The following ARHGAP20 variants were observed in gnomAD, a reference collection of about 807,000 sequenced individuals.
ARHGAP20 encodes the protein Rho GTPase activating protein 20, also known as rho GTPase-activating protein 20.
A neutral mutation model predicts 73.7 loss-of-function variants in ARHGAP20; 34 were observed. The observed-to-expected ratio is 0.46, with a 90% CI of 0.35 to 0.61. The LOEUF is 0.61. Among genes scored for constraint, ARHGAP20 ranks in the 20% least tolerant of loss-of-function variants. The probability of loss-of-function intolerance (pLI) is 0.00; values close to 1 mark genes in which losing one functional copy is unlikely to be tolerated. For synonymous variants in ARHGAP20, 523 were observed against 518.2 expected (o/e 1.01, Z -0.13); for missense variants, 1,314 against 1,420.9 (o/e 0.92, Z 1.21).
In ARHGAP20 at chr11:110,580,983, G is replaced by A. The variant is rs776211694; in HGVS notation, c.1963C>T (p.Leu655Phe). The change falls in exon 15 of 15, where the codon CTT (leucine) becomes TTT (phenylalanine). Residue 655 changes from leucine to phenylalanine, a missense_variant. Coordinates refer to ENST00000683387, the MANE Select transcript of ARHGAP20 (RefSeq NM_001384657.1). ...AAAATGTTCACCGGCTTGGATTCAA[G>A]AGGCCGTTTCATTTGAACATCTTCA... The part of the protein sequence containing the change: ...KDEDVQMKRP[L>F]ESKPVNILVY... 1.9e-6 allele frequency: 3 copies of A among 1,614,184 alleles called. No homozygotes were observed. In the South Asian group the frequency reaches 3.3e-5, roughly 18 times the overall value.
chr11:110,630,934 A>C (rs1948847821), intron 2 of ARHGAP20, 142 bp from the exon 3 acceptor site: 8 of 731,514 alleles, frequency 1.1e-5, no homozygotes, highest in Non-Finnish European at 1.7e-5. Context: ...GTAGTCTTTA[A>C]TATTTCATTA....
At chr11:110,697,331 T>A (rs1199827970) in intron 1 of ARHGAP20, among the ~76,000 whole-genome samples, 3 of 151,634 alleles carry the variant, frequency 2.0e-5, no homozygotes, top group African/African-American at 7.2e-5. Flanking sequence ...TTTCTCTGAT[T>A]AGTGATTTTT....
chr11:110,693,624 A>G (rs1359249170), intron 1 of ARHGAP20, among the ~76,000 whole-genome samples: 1 of 151,946 alleles, frequency 6.6e-6, no homozygotes, highest in African/African-American at 2.4e-5. Flanking sequence ...CTTTTGCTTA[A>G]AAGTGTAACC....
chr11:110,712,352 G>A lies in ARHGAP20; in HGVS notation c.-121C>T. The A allele has an allele frequency of 2.6e-6, 2 of 779,430 alleles. No individual in the cohort carries two copies. Among genetic ancestry groups the A allele is most frequent in the Non-Finnish European group, 3.5e-6 (2 of 568,856 alleles). The allele number at this position is 779,430 out of a possible 1,614,324, so 48.3% of individuals were successfully genotyped here. On this transcript the variant is annotated 5_prime_UTR_variant, in exon 1 of 15. Coordinates refer to ENST00000683387, the MANE Select transcript of ARHGAP20 (RefSeq NM_001384657.1). Reference sequence around the variant, plus strand: ...CGCGGCTGCCGTGCTCAGGCAGGGAGCCGAGCTCCGGGTGCTCGCCGCGCG... The same window carrying A: ...CGCGGCTGCCGTGCTCAGGCAGGGAACCGAGCTCCGGGTGCTCGCCGCGCG...
chr11:110,594,147 A>C (rs1947895582), intron 9 of ARHGAP20, among the ~76,000 whole-genome samples: 1 of 152,242 alleles, frequency 6.6e-6, no homozygotes, highest in East Asian at 1.9e-4. Flanking sequence ...TAAAAAGCCA[A>C]GTTGTGGGAG....
intron 3 of ARHGAP20, among the ~76,000 whole-genome samples, chr11:110,627,825 A>G (rs1948777832): frequency 6.6e-6 from 1 of 152,194 alleles, no homozygotes; most frequent in Non-Finnish European, 1.5e-5. Context: ...TGTTTGTAAA[A>G]CAGATCCTGG....
chr11:110,591,128 A>C (rs1282781422), intron 10 of ARHGAP20, among the ~76,000 whole-genome samples: 2 of 152,232 alleles, frequency 1.3e-5, no homozygotes, highest in Admixed American at 1.3e-4. Flanking sequence ...ATTCCTAAAA[A>C]TTGCTCAGAG....
intron 2 of ARHGAP20, among the ~76,000 whole-genome samples, chr11:110,637,318 G>T (rs1948988477): frequency 6.6e-6 from 1 of 151,982 alleles, no homozygotes; most frequent in Admixed American, 6.6e-5. Context: ...ATAGGATCTG[G>T]ATAACCTTAA....
intron 2 of ARHGAP20, among the ~76,000 whole-genome samples, chr11:110,639,507 T>C (rs1224099350): frequency 6.6e-6 from 1 of 151,998 alleles, no homozygotes; most frequent in Non-Finnish European, 1.5e-5. Flanking sequence ...AAAACCATTA[T>C]CACTACTTAG....
Position 110,579,679 on chromosome 11 carries a change from T to C in ARHGAP20, c.3267A>G (p.Glu1089=). 1 of 1,614,210 alleles carries C rather than the reference T, an allele frequency of 6.2e-7. No individual in the cohort carries two copies. Among genetic ancestry groups the C allele is most frequent in the Non-Finnish European group, 8.5e-7 (1 of 1,180,034 alleles). ...GVPEANSLQE[E]QKDLPLRAAE... Reference sequence around the variant, plus strand: ...CTGCCCTTAAGGGCAAGTCTTTTTGTTCCTCTTGCAGTGAGTTGGCTTCTG... The same window carrying C: ...CTGCCCTTAAGGGCAAGTCTTTTTGCTCCTCTTGCAGTGAGTTGGCTTCTG... Residue 1089 remains glutamate, a synonymous_variant, in exon 15 of 15, where the codon GAA becomes GAG. Transcript: ENST00000683387.
chr11:110,640,303 T>C lies in ARHGAP20; in HGVS notation c.189-9511A>G, dbSNP rs572257001. 7.2e-5 allele frequency among the ~76,000 whole-genome samples: 11 copies of C among 152,124 alleles called. No homozygotes were observed. The East Asian group carries it at 2.1e-3, about 29-fold the overall frequency. On this transcript the variant is annotated intron_variant, in intron 2 of 14. Transcript: ENST00000683387. Reference sequence around the variant, plus strand: ...GTACCAATGATCATAGCATAGACACTGTCTAAAGGGTAAGCCCAGATCATT... The same window carrying C: ...GTACCAATGATCATAGCATAGACACCGTCTAAAGGGTAAGCCCAGATCATT...
intron 2 of ARHGAP20, among the ~76,000 whole-genome samples, chr11:110,686,474 A>T (rs1950134212): frequency 6.6e-6 from 1 of 152,142 alleles, no homozygotes; most frequent in Admixed American, 6.5e-5. Flanking sequence ...TTTTTGTTTT[A>T]TACATGTCCA....
intron 9 of ARHGAP20, among the ~76,000 whole-genome samples, chr11:110,597,292 A>G (rs915839572): frequency 6.7e-5 from 9 of 133,484 alleles, no homozygotes. Context: ...TAATAATAAA[A>G]TTAAAAAAAA....
At chr11:110,627,952 T>C (rs957278867) in intron 3 of ARHGAP20, among the ~76,000 whole-genome samples, 7 of 152,236 alleles carry the variant, frequency 4.6e-5, no homozygotes, top group African/African-American at 1.7e-4. Flanking sequence ...TAATTTAGTA[T>C]GGAAAAGAAT....
At chr11:110,620,668 T>C (rs986731771) in intron 4 of ARHGAP20, among the ~76,000 whole-genome samples, 39 of 152,224 alleles carry the variant, frequency 2.6e-4, no homozygotes, top group Non-Finnish European at 8.8e-5. Context: ...CTGCTAGTAA[T>C]AAATTATTAT....
chr11:110,710,037 T>C (rs1385974022), intron 1 of ARHGAP20, among the ~76,000 whole-genome samples: 1 of 152,170 alleles, frequency 6.6e-6, no homozygotes, highest in African/African-American at 2.4e-5. Context: ...ATAGCTTCCC[T>C]GATGGATTGG....
chr11:110,582,362 C>CTGAAGAGGG lies in ARHGAP20; in HGVS notation c.1670_1678dup (p.Phe559_Arg560insThrLeuPhe). The CTGAAGAGGG allele has an allele frequency of 6.2e-7, 1 of 1,613,884 alleles. No individual in the cohort carries two copies. The highest frequency in any genetic ancestry group is 8.5e-7 in the Non-Finnish European group (1 of 1,179,768). On this transcript the variant is annotated inframe_insertion, in exon 14 of 15. Coordinates refer to ENST00000683387, the MANE Select transcript of ARHGAP20 (RefSeq NM_001384657.1). Reference sequence around the variant, plus strand: ...AGTGTCACATCTCACTGAAACCTCTCTGAAGAGGGAAGTGATTTCTTCTCC... The same window carrying CTGAAGAGGG: ...AGTGTCACATCTCACTGAAACCTCTCTGAAGAGGGTGAAGAGGGAAGTGATTTCTTCTCC...
intron 1 of ARHGAP20, among the ~76,000 whole-genome samples, chr11:110,700,570 T>C (rs1195329378): frequency 2.0e-5 from 3 of 151,910 alleles, no homozygotes; most frequent in Admixed American, 6.6e-5. Context: ...AATTACTTTT[T>C]TTTTTCTTTC....
In ARHGAP20 at chr11:110,579,359, T is replaced by C; in HGVS notation, c.*11A>G. On this transcript the variant is annotated 3_prime_UTR_variant, in exon 15 of 15. Transcript: ENST00000683387. ...GTTCCTGTTCTTGTGGACATCAGAT[T>C]CTTACTATGCTTAAATGTCTTTGGT... 5 of 1,568,614 alleles carry C rather than the reference T, an allele frequency of 3.2e-6. No homozygotes were observed. The highest frequency in any genetic ancestry group is 4.3e-6 in the Non-Finnish European group (5 of 1,151,490).
Sources: gnomAD v4.1 joint callset for allele counts (sites outside exome capture counted in the v4.1 genomes callset) on GRCh38, gnomAD v4.1.1 for gene constraint, MANE v1.5 for transcripts, NCBI Gene and HGNC (gene_info 2026-07-23, HGNC 2026-07-21) for gene names.